Variants in IQGAP1 observed in about 807,000 individuals in gnomAD.
IQGAP1 encodes the protein ras GTPase-activating-like protein IQGAP1.
IQGAP1 carries 66 observed loss-of-function variants against 215.6 expected under a neutral mutation model. The ratio of observed to expected loss-of-function variants is 0.31; its 90% CI spans 0.25 to 0.38. IQGAP1 has a LOEUF of 0.38. IQGAP1 is among the 10% of genes least tolerant of loss of function. The pLI is 1.00. For synonymous variants in IQGAP1, 772 were observed against 728.7 expected, an observed-to-expected ratio of 1.06 and a Z score of -0.96; for missense variants, 1,712 against 1,997.1, an observed-to-expected ratio of 0.86 and a Z score of 2.72.
chr15:90,443,527 G>A (rs1376198980), intron 9 of IQGAP1, 49 bp downstream of exon 9: 1 of 1,074,262 alleles, frequency 9.3e-7, no homozygotes, highest in Non-Finnish European at 1.4e-6. Context: ...ATAATATAAT[G>A]TGAATGTTGA....
chr15:90,390,705 T>C (rs1472460291), intron 1 of IQGAP1, 69 bp from the exon 2 acceptor site: 1 of 1,055,976 alleles, frequency 9.5e-7, no homozygotes, highest in Non-Finnish European at 1.5e-6. Context: ...AAATTGATTC[T>C]GTGGCAATCT....
At chr15:90,416,387 C>A (rs1416417815) in intron 2 of IQGAP1, among the ~76,000 whole-genome samples, 1 of 152,140 alleles carries the variant, frequency 6.6e-6, no homozygotes, top group Non-Finnish European at 1.5e-5. Flanking sequence ...GTCTTTATAG[C>A]AGCATGATTT....
rs968329336 is a variant in IQGAP1, at chr15:90,439,383, A to G, written c.519A>G (p.Gly173=). 2 of 1,612,612 alleles carry G rather than the reference A, an allele frequency of 1.2e-6. No homozygotes were observed. Among genetic ancestry groups the G allele is most frequent in the Admixed American group, 1.7e-5 (1 of 59,928 alleles). ...GLAPQIQDLY[G]KVDFTEEEIN... Reference sequence around the variant, plus strand: ...CCCCTCAGATTCAAGACCTATATGGAAAGGTTGACTTCACAGGTAAGGAGT... The same window carrying G: ...CCCCTCAGATTCAAGACCTATATGGGAAGGTTGACTTCACAGGTAAGGAGT... Residue 173 remains glycine, a synonymous_variant, in exon 6 of 38, where the codon GGA becomes GGG. Coordinates refer to ENST00000268182, the MANE Select transcript of IQGAP1 (RefSeq NM_003870.4).
Position 90,443,376 on chromosome 15 carries a change from C to G in IQGAP1, c.829-18C>G, listed in dbSNP as rs776812035. The stretch of plus-strand genomic sequence containing the variant: ...GACACCTTAAGCTAACTTAATTACG[C>G]TTTTTACTCATCCTCAGACAGAAAA... On this transcript the variant is annotated intron_variant, in intron 8 of 37. Coordinates refer to ENST00000268182, the MANE Select transcript of IQGAP1 (RefSeq NM_003870.4). 6.4e-7 allele frequency: 1 copy of G among 1,574,060 alleles called. No individual in the cohort carries two copies. The highest frequency in any genetic ancestry group is 1.1e-5 in the South Asian group (1 of 90,048).
rs770800746 is a variant in IQGAP1 at position 90,486,977 on chromosome 15, G to T, written c.4048G>T (p.Asp1350Tyr). The change falls in exon 32 of 38, where the codon GAC becomes TAC. Residue 1350 changes from aspartate (D) to tyrosine (Y), a missense_variant. This residue lies in a region of IQGAP1 where 691 missense variants were observed against 923.0 expected (regional missense o/e 0.75). Coordinates refer to ENST00000268182, the MANE Select transcript of IQGAP1 (RefSeq NM_003870.4). ...LIGESSGNLN[D>Y]PNKEALAKTE... is the part of the protein sequence containing the mutation. ...AGGGGAAAGCTCTGGCAATTTAAAT[G>T]ACCCAAATAAGGAGGCACTGGCTAA... 6.2e-7 allele frequency: 1 copy of T among 1,614,014 alleles called. No homozygotes were observed. Among genetic ancestry groups the T allele is most frequent in the African/African-American group, 1.3e-5 (1 of 74,982 alleles).
intron 9 of IQGAP1, among the ~76,000 whole-genome samples, chr15:90,445,589 T>G (rs1262611421): frequency 6.6e-6 from 1 of 152,212 alleles, no homozygotes; most frequent in Non-Finnish European, 1.5e-5. Flanking sequence ...CTGCTTCTTT[T>G]GAAGTCCTCC....
At position 90,452,756 on chromosome 15, in the gene IQGAP1, ACT is replaced by A. The variant is rs748842354; in HGVS notation, c.1163-17_1163-16del. 1.2e-6 allele frequency: 2 copies of A among 1,612,128 alleles called. No individual in the cohort carries two copies. The highest frequency in any genetic ancestry group is 2.2e-5 in the South Asian group (2 of 90,864). ...GCTCTCTAAGCCCACTGCGTTTCTG[ACT>A]CCTGTTTTTTACACAGGATTGGCAG... On this transcript the variant is annotated splice_polypyrimidine_tract_variant and intron_variant, in intron 11 of 37. Coordinates refer to ENST00000268182, the MANE Select transcript of IQGAP1 (RefSeq NM_003870.4).
chr15:90,388,274 T>C lies in IQGAP1; in HGVS notation c.-68T>C. The C allele has an allele frequency of 6.4e-7, 1 of 1,555,384 alleles. No homozygotes were observed. Among genetic ancestry groups the C allele is most frequent in the Non-Finnish European group, 8.8e-7 (1 of 1,142,800 alleles). The stretch of plus-strand genomic sequence containing the variant: ...GCAAGCCCGCGCACTTGGCAGGAGC[T>C]GTAGCTACCGCCGTCCGCGCCTCCA... On this transcript the variant is annotated 5_prime_UTR_variant, in exon 1 of 38. Coordinates refer to ENST00000268182, the MANE Select transcript of IQGAP1 (RefSeq NM_003870.4).
intron 5 of IQGAP1, among the ~76,000 whole-genome samples, chr15:90,436,992 G>A (rs1455683066): frequency 1.3e-5 from 2 of 152,144 alleles, no homozygotes; most frequent in African/African-American, 2.4e-5. Flanking sequence ...TTCTTGTACT[G>A]CTATAAAGAA....
intron 35 of IQGAP1, among the ~76,000 whole-genome samples, chr15:90,493,526 G>T (rs1294052340): frequency 6.6e-6 from 1 of 152,192 alleles, no homozygotes; most frequent in Non-Finnish European, 1.5e-5. Context: ...TTGCAGGGTA[G>T]TTTATTATTT....
intron 2 of IQGAP1, among the ~76,000 whole-genome samples, chr15:90,402,974 C>T (rs1481249142): frequency 6.6e-6 from 1 of 152,044 alleles, no homozygotes; most frequent in Non-Finnish European, 1.5e-5. Flanking sequence ...ACTATTATAA[C>T]AAAATGTTTT....
intron 15 of IQGAP1, among the ~76,000 whole-genome samples, chr15:90,458,452 C>T (rs1004346656): frequency 5.9e-5 from 9 of 152,126 alleles, no homozygotes; most frequent in East Asian, 1.9e-4. Context: ...GCTTATTCTC[C>T]GAAACCCCAC....
At chr15:90,459,678 G>C (rs530383591) in intron 15 of IQGAP1, among the ~76,000 whole-genome samples, 156 of 152,066 alleles carry the variant, frequency 1.0e-3, no homozygotes, top group Non-Finnish European at 1.7e-3. Flanking sequence ...ATTGTTTTTT[G>C]TTTGTTTGTT....
At chr15:90,423,408 T>G (rs1360921268) in intron 2 of IQGAP1, among the ~76,000 whole-genome samples, 1 of 152,122 alleles carries the variant, frequency 6.6e-6, no homozygotes, top group Non-Finnish European at 1.5e-5. Flanking sequence ...AATTTTTGTA[T>G]TTTTAGTAGA....
Position 90,474,970 on chromosome 15 carries a change from T to A in IQGAP1, c.2784+277T>A, listed in dbSNP as rs1965957495. ...GATTACAGGCACGTGACACTATACC[T>A]GGCTAATGTTTTTTGATTTTTGGCT... On this transcript the variant is annotated intron_variant, in intron 23 of 37. Transcript: ENST00000268182. 3 of 266,352 alleles carry A rather than the reference T, an allele frequency of 1.1e-5. No homozygotes were observed. The South Asian group carries it at 2.1e-4, about 19-fold the overall frequency. The allele number at this position is 266,352 out of a possible 1,614,324, so 16.5% of individuals were successfully genotyped here.
chr15:90,388,793 C>G (rs1964591129), intron 1 of IQGAP1, among the ~76,000 whole-genome samples: 1 of 152,202 alleles, frequency 6.6e-6, no homozygotes, highest in African/African-American at 2.4e-5. Flanking sequence ...AGGCGCTGCC[C>G]TAGTGTTGCC....
chr15:90,474,948 TA>T (rs897493165), intron 23 of IQGAP1: 16 of 454,868 alleles, frequency 3.5e-5, no homozygotes, highest in Non-Finnish European at 5.6e-5. Flanking sequence ...TATCTGGGAT[TA>T]CAGGCACGTG....
At chr15:90,450,310 C>T (rs1965583927) in intron 11 of IQGAP1, among the ~76,000 whole-genome samples, 1 of 128,308 alleles carries the variant, frequency 7.8e-6, no homozygotes, top group Non-Finnish European at 1.6e-5. Flanking sequence ...GAATAATATT[C>T]CATTATGTGT....
chr15:90,408,856 A>G (rs1056892438), intron 2 of IQGAP1, among the ~76,000 whole-genome samples: 3 of 152,092 alleles, frequency 2.0e-5, no homozygotes, highest in Admixed American at 1.3e-4. Context: ...CAGGGGTGCA[A>G]TCATAGCTCA....
Sources: gnomAD v4.1 joint callset for allele counts (sites outside exome capture counted in the v4.1 genomes callset) on GRCh38, gnomAD v4.1.1 for gene constraint, gnomAD v4.1.1 regional missense constraint, MANE v1.5 for transcripts, NCBI Gene and HGNC (gene_info 2026-07-23, HGNC 2026-07-21) for gene names.